Variants in H2BK1 observed in about 807,000 individuals in gnomAD.
H2BK1 encodes the protein histone H2B type 2-K1.
At chr7:151,210,466 T>G in the H2BK1 span, 1 of 394,170 alleles carries the variant, frequency 2.5e-6, no homozygotes, top group Non-Finnish European at 4.5e-6. Flanking sequence ...ATCCCAATCC[T>G]GAACATGCTC....
At chr7:151,208,708 G>A in the H2BK1 span, among the ~76,000 whole-genome samples, 1 of 152,212 alleles carries the variant, frequency 6.6e-6, no homozygotes, top group Non-Finnish European at 1.5e-5. Flanking sequence ...CCCCGGACCA[G>A]GGGAGGAGTC....
At chr7:151,208,156 G>A in the H2BK1 span, 1 of 1,586,576 alleles carries the variant, frequency 6.3e-7, no homozygotes, top group Non-Finnish European at 8.6e-7. Flanking sequence ...CCAGGGGAGG[G>A]GGGGTCCTGC....
chr7:151,210,143 CTT>C, the H2BK1 span: 133 of 398,726 alleles, frequency 3.3e-4, 1 homozygote, highest in African/African-American at 2.5e-3. Flanking sequence ...TTTCAAGGCG[CTT>C]TGTGAGGGCA....
chr7:151,208,029 C>T, the H2BK1 span: 3 of 1,612,544 alleles, frequency 1.9e-6, no homozygotes, highest in Non-Finnish European at 2.5e-6. Flanking sequence ...GCCTCACACG[C>T]CAGCTGCTCA....
chr7:151,208,469 T>C, the H2BK1 span, among the ~76,000 whole-genome samples: 2 of 152,356 alleles, frequency 1.3e-5, no homozygotes, highest in South Asian at 4.1e-4. Context: ...TATGGATGTA[T>C]CATACTTCCT....
At chr7:151,208,210 C>A in the H2BK1 span, 1 of 1,203,872 alleles carries the variant, frequency 8.3e-7, no homozygotes, top group South Asian at 1.3e-5. Context: ...TCTAGGAAGC[C>A]AGAGGCAGAA....
At chr7:151,210,093 C>T in the H2BK1 span, 9 of 396,056 alleles carry the variant, frequency 2.3e-5, no homozygotes, top group Non-Finnish European at 3.6e-5. Flanking sequence ...TGCCCCAGTG[C>T]CAACACTAAC....
the H2BK1 span, among the ~76,000 whole-genome samples, chr7:151,209,402 C>T: frequency 6.6e-6 from 1 of 152,024 alleles, no homozygotes; most frequent in Non-Finnish European, 1.5e-5. Flanking sequence ...CTGGGGCCTG[C>T]TCTAACAGAG....
the H2BK1 span, chr7:151,210,423 G>T: frequency 2.7e-6 from 1 of 377,212 alleles, no homozygotes; most frequent in Non-Finnish European, 4.7e-6. Context: ...GGAGGGGGGG[G>T]GGGGGCAGGT....
the H2BK1 span, among the ~76,000 whole-genome samples, chr7:151,209,020 T>C: frequency 8.8e-6 from 1 of 113,344 alleles, no homozygotes; most frequent in African/African-American, 3.4e-5. Flanking sequence ...AATCTGCACC[T>C]GGCACAAGGC....
chr7:151,209,935 T>C, the H2BK1 span, among the ~76,000 whole-genome samples: 2 of 152,204 alleles, frequency 1.3e-5, no homozygotes, highest in Non-Finnish European at 2.9e-5. Flanking sequence ...CTAATCACGT[T>C]ATCTCATCAT....
chr7:151,208,083 C>A, the H2BK1 span: 1 of 1,613,996 alleles, frequency 6.2e-7, no homozygotes, highest in African/African-American at 1.3e-5. Flanking sequence ...ATGGCCTTGG[C>A]AGAGATGCCA....
the H2BK1 span, chr7:151,208,090 G>A: frequency 1.9e-5 from 31 of 1,614,068 alleles, no homozygotes; most frequent in African/African-American, 3.6e-4. Flanking sequence ...TGGCAGAGAT[G>A]CCAATGTCAG....
chr7:151,209,851 A>T, the H2BK1 span, among the ~76,000 whole-genome samples: 1 of 151,984 alleles, frequency 6.6e-6, no homozygotes, highest in African/African-American at 2.4e-5. Flanking sequence ...TTTGTATCAT[A>T]ATGTGTTTGG....
chr7:151,210,055 A>G, the H2BK1 span: 1 of 395,912 alleles, frequency 2.5e-6, no homozygotes, highest in Non-Finnish European at 4.5e-6. Context: ...CCGCCACCTC[A>G]AGAGGGGCCA....
the H2BK1 span, chr7:151,208,184 G>T: frequency 8.1e-6 from 12 of 1,478,886 alleles, no homozygotes; most frequent in Admixed American, 8.6e-5. Context: ...GCAAGCCTCA[G>T]CCCTGAGCTG....
the H2BK1 span, among the ~76,000 whole-genome samples, chr7:151,210,017 G>A: frequency 6.6e-6 from 1 of 152,176 alleles, no homozygotes; most frequent in Non-Finnish European, 1.5e-5. Context: ...AAGATCCTGA[G>A]AGAGGTGGAG....
chr7:151,209,358 C>A, the H2BK1 span, among the ~76,000 whole-genome samples: 10 of 151,872 alleles, frequency 6.6e-5, no homozygotes, highest in African/African-American at 2.4e-4. Flanking sequence ...CACTAAACCG[C>A]TAATGGGATT....
At chr7:151,208,107 C>T in the H2BK1 span, 2 of 1,613,974 alleles carry the variant, frequency 1.2e-6, no homozygotes, top group Middle Eastern at 1.6e-4. Context: ...TCAGGGTGCA[C>T]CTGGAGAGAG....
Sources: gnomAD v4.1 joint callset for allele counts (sites outside exome capture counted in the v4.1 genomes callset) on GRCh38, gnomAD v4.1.1 for gene constraint, MANE v1.5 for transcripts, NCBI Gene and HGNC (gene_info 2026-07-23, HGNC 2026-07-21) for gene names.